CTNNA2: variants seen among roughly 807,000 people sequenced by gnomAD.
CTNNA2 encodes the protein catenin alpha-2.
CTNNA2 carries 42 observed loss-of-function variants against 101.0 expected under a neutral mutation model. The ratio of observed to expected loss-of-function variants is 0.42; its 90% CI spans 0.32 to 0.54. CTNNA2 has a LOEUF of 0.54. Ranked by LOEUF, CTNNA2 falls within the 20% of genes least tolerant of loss-of-function variation. The probability of loss-of-function intolerance (pLI) is 0.14; values close to 1 mark genes in which losing one functional copy is unlikely to be tolerated. For synonymous variants in CTNNA2, 450 were observed against 456.4 expected (o/e 0.99, Z 0.18); for missense variants, 871 against 1,223.1 (o/e 0.71, Z 4.29).
At chr2:80,050,520 T>C (rs569984706) in intron 7 of CTNNA2, among the ~76,000 whole-genome samples, 1 of 152,286 alleles carries the variant, frequency 6.6e-6, no homozygotes, top group East Asian at 1.9e-4. Flanking sequence ...TCTGTTGAGA[T>C]AGCGGGCCCT....
At chr2:80,330,128 G>A (rs1021388782) in intron 7 of CTNNA2, among the ~76,000 whole-genome samples, 1 of 152,180 alleles carries the variant, frequency 6.6e-6, no homozygotes, top group Non-Finnish European at 1.5e-5. Flanking sequence ...TCTTCTTCTG[G>A]CCTTTCCACC....
intron 14 of CTNNA2, among the ~76,000 whole-genome samples, chr2:80,583,262 G>A (rs936862912): frequency 4.6e-5 from 7 of 152,138 alleles, no homozygotes; most frequent in East Asian, 1.9e-4. Flanking sequence ...AAAGATGACC[G>A]TGATAATTAT....
chr2:79,811,139 C>G (rs868786665), intron 3 of CTNNA2, among the ~76,000 whole-genome samples: 3 of 151,824 alleles, frequency 2.0e-5, no homozygotes, highest in African/African-American at 7.3e-5. Flanking sequence ...TTTACAGTCC[C>G]ACCAACAGTG....
intron 7 of CTNNA2, among the ~76,000 whole-genome samples, chr2:80,391,475 AC>A (rs1226941961): frequency 5.9e-5 from 9 of 152,212 alleles, no homozygotes; most frequent in Admixed American, 3.9e-4. Flanking sequence ...TAAACTCATA[AC>A]TTTTAATGTT....
chr2:80,557,880 C>T (rs541329444), intron 12 of CTNNA2, among the ~76,000 whole-genome samples: 40 of 152,194 alleles, frequency 2.6e-4, no homozygotes, highest in Middle Eastern at 3.4e-3. Context: ...AGTCGTTCAT[C>T]CTGGATTGTT....
At chr2:79,558,856 A>G (rs1278273272) in intron 1 of CTNNA2, among the ~76,000 whole-genome samples, 1 of 151,878 alleles carries the variant, frequency 6.6e-6, no homozygotes, top group Non-Finnish European at 1.5e-5. Context: ...TAAGAAGAAA[A>G]TTAATTCTAA....
chr2:79,535,094 CA>C, intron 1 of CTNNA2, among the ~76,000 whole-genome samples: 1 of 152,032 alleles, frequency 6.6e-6, no homozygotes, highest in African/African-American at 2.4e-5. Flanking sequence ...ACTATTCATG[CA>C]AAAAAATTTA....
chr2:79,223,988 A>G (rs1259696092), intron 2 of CTNNA2, among the ~76,000 whole-genome samples: 1 of 152,216 alleles, frequency 6.6e-6, no homozygotes. Context: ...AAGACAGAAG[A>G]GTGGGACAGA....
At chr2:79,219,014 GTGTATGTA>G (rs1674305395) in intron 2 of CTNNA2, among the ~76,000 whole-genome samples, 2 of 152,140 alleles carry the variant, frequency 1.3e-5, no homozygotes, top group African/African-American at 4.8e-5. Context: ...GCAAGGGTGT[GTGTATGTA>G]TGTATAGTAC....
chr2:79,986,745 G>T (rs1393606614), intron 7 of CTNNA2, among the ~76,000 whole-genome samples: 6 of 152,168 alleles, frequency 3.9e-5, no homozygotes. Flanking sequence ...TGGAAATAAA[G>T]AAGATGGAGA....
chr2:79,717,878 A>T (rs1233673525), intron 2 of CTNNA2, among the ~76,000 whole-genome samples: 1 of 152,004 alleles, frequency 6.6e-6, no homozygotes, highest in African/African-American at 2.4e-5. Context: ...CCTACCTTTC[A>T]CTCTGTAATA....
At chr2:79,385,626 A>G (rs1678090270) in intron 4 of CTNNA2, among the ~76,000 whole-genome samples, 1 of 151,824 alleles carries the variant, frequency 6.6e-6, no homozygotes, top group Non-Finnish European at 1.5e-5. Context: ...TCAACCCATC[A>G]TCTAGGTTTT....
rs150640634 is a variant in CTNNA2, at chr2:80,252,024, A to G, written c.1057-141187A>G. Reference sequence around the variant, plus strand: ...TTGCAAATTGTTAAATTTTGTTTGTATAATAAACTTTTAAAACTTTCTAGA... The same window carrying G: ...TTGCAAATTGTTAAATTTTGTTTGTGTAATAAACTTTTAAAACTTTCTAGA... On this transcript the variant is annotated intron_variant, in intron 7 of 18. Transcript: ENST00000402739. Among the ~76,000 whole-genome samples the G allele has an allele frequency of 1.2e-4, 18 of 152,334 alleles. No individual in the cohort carries two copies. In the East Asian group the frequency reaches 2.5e-3, roughly 21 times the overall value.
At chr2:80,423,056 C>T (rs1680672557) in intron 9 of CTNNA2, among the ~76,000 whole-genome samples, 1 of 151,650 alleles carries the variant, frequency 6.6e-6, no homozygotes, top group Non-Finnish European at 1.5e-5. Context: ...CTTTTTTCCC[C>T]ACTCCTCATT....
chr2:79,413,651 A>G (rs1345447647), intron 4 of CTNNA2, among the ~76,000 whole-genome samples: 1 of 152,008 alleles, frequency 6.6e-6, no homozygotes, highest in African/African-American at 2.4e-5. Flanking sequence ...TGTTTAACAT[A>G]ATGATTATAG....
At chr2:80,100,049 C>G (rs1036486124) in intron 7 of CTNNA2, among the ~76,000 whole-genome samples, 1 of 152,130 alleles carries the variant, frequency 6.6e-6, no homozygotes, top group Admixed American at 6.5e-5. Context: ...CCTGCCCCAG[C>G]CTCCCAAGTA....
intron 1 of CTNNA2, among the ~76,000 whole-genome samples, chr2:79,640,298 G>A (rs929565698): frequency 4.6e-5 from 7 of 152,166 alleles, no homozygotes; most frequent in African/African-American, 1.4e-4. Context: ...ATTTGAGTCA[G>A]TGAGAAGGAA....
At chr2:80,138,487 G>A (rs1316297192) in intron 7 of CTNNA2, among the ~76,000 whole-genome samples, 1 of 152,098 alleles carries the variant, frequency 6.6e-6, no homozygotes, top group Non-Finnish European at 1.5e-5. Context: ...ATAGTGTCTG[G>A]CATGCAAATA....
At chr2:79,576,901 G>A (rs1347938530) in intron 1 of CTNNA2, among the ~76,000 whole-genome samples, 3 of 152,054 alleles carry the variant, frequency 2.0e-5, no homozygotes, top group East Asian at 1.9e-4. Flanking sequence ...AAAACTATTC[G>A]AGCATAACAT....
Sources: allele counts gnomAD v4.1 joint callset (sites outside exome capture counted in the v4.1 genomes callset), GRCh38; gene constraint gnomAD v4.1.1; transcripts MANE v1.5; gene names NCBI Gene and HGNC (gene_info 2026-07-23, HGNC 2026-07-21).